Variants in CDH13 observed in about 807,000 individuals in gnomAD.
CDH13 encodes the protein cadherin 13.
In CDH13, 24 loss-of-function variants were observed where a neutral mutation model predicts 63.8. The ratio of observed to expected loss-of-function variants is 0.38; its 90% CI spans 0.27 to 0.53. CDH13 has a LOEUF of 0.53. CDH13 is among the 20% of genes least tolerant of loss of function. The pLI, the probability that CDH13 is intolerant of heterozygous loss-of-function variation, is 0.85. For missense variants in CDH13, 1,049 were observed against 903.1 expected (o/e 1.16, Z -2.07); for synonymous variants, 503 against 355.3 (o/e 1.42, Z -4.67).
intron 5 of CDH13, among the ~76,000 whole-genome samples, chr16:83,293,972 G>A (rs2151868352): frequency 6.6e-6 from 1 of 152,264 alleles, no homozygotes; most frequent in South Asian, 2.1e-4. Flanking sequence ...GCCCCTGTGA[G>A]CAGGAGGAGA....
chr16:83,178,134 A>G (rs565216607), intron 4 of CDH13, among the ~76,000 whole-genome samples: 121 of 152,236 alleles, frequency 7.9e-4, no homozygotes, highest in Non-Finnish European at 1.3e-3. Flanking sequence ...TCTCTGTTTT[A>G]TAAAGTGAAA....
At chr16:82,713,813 A>G (rs972837365) in intron 1 of CDH13, among the ~76,000 whole-genome samples, 1 of 148,912 alleles carries the variant, frequency 6.7e-6, no homozygotes, top group Non-Finnish European at 1.5e-5. Flanking sequence ...TGTGAAAAAA[A>G]AAACAAACAA....
At chr16:83,403,754 G>A (rs2092003180) in intron 6 of CDH13, among the ~76,000 whole-genome samples, 1 of 152,152 alleles carries the variant, frequency 6.6e-6, no homozygotes, top group African/African-American at 2.4e-5. Context: ...TGTTGTGATG[G>A]AGAACATCAT....
chr16:82,919,441 A>G (rs569703194), intron 2 of CDH13, among the ~76,000 whole-genome samples: 4 of 152,246 alleles, frequency 2.6e-5, no homozygotes, highest in South Asian at 2.1e-4. Flanking sequence ...GCTCCAACTT[A>G]TAAGTGAGAA....
intron 1 of CDH13, among the ~76,000 whole-genome samples, chr16:82,854,947 C>A (rs945095278): frequency 6.6e-6 from 1 of 152,106 alleles, no homozygotes; most frequent in Non-Finnish European, 1.5e-5. Flanking sequence ...CTCACTGAAT[C>A]CCAGGAGTCT....
intron 1 of CDH13, among the ~76,000 whole-genome samples, chr16:82,686,735 C>G (rs1200130219): frequency 6.6e-6 from 1 of 152,170 alleles, no homozygotes; most frequent in Non-Finnish European, 1.5e-5. Flanking sequence ...TTGCTTGATG[C>G]ACAGGGGAAA....
At chr16:83,159,645 G>A (rs887780801) in intron 4 of CDH13, among the ~76,000 whole-genome samples, 23 of 152,216 alleles carry the variant, frequency 1.5e-4, no homozygotes, top group African/African-American at 4.1e-4. Context: ...TTGGGTCACA[G>A]TGGTCACTAA....
intron 10 of CDH13, among the ~76,000 whole-genome samples, chr16:83,714,977 T>G (rs962304664): frequency 2.0e-5 from 3 of 152,120 alleles, no homozygotes; most frequent in Non-Finnish European, 4.4e-5. Context: ...ATTTGCGAGC[T>G]CAGGTACTTG....
chr16:82,964,015 C>T (rs1597310801), intron 2 of CDH13, among the ~76,000 whole-genome samples: 1 of 152,172 alleles, frequency 6.6e-6, no homozygotes, highest in African/African-American at 2.4e-5. Context: ...GGTGGAGCTG[C>T]GGGCTTTTGA....
chr16:83,644,628 G>C (rs938460236), intron 8 of CDH13, among the ~76,000 whole-genome samples: 2 of 152,106 alleles, frequency 1.3e-5, no homozygotes, highest in African/African-American at 4.8e-5. Context: ...TAGATTCCTA[G>C]CCTGCTCCAC....
intron 1 of CDH13, among the ~76,000 whole-genome samples, chr16:82,662,355 C>A (rs1912050162): frequency 6.6e-6 from 1 of 152,170 alleles, no homozygotes; most frequent in African/African-American, 2.4e-5. Flanking sequence ...TTTTTATTTT[C>A]TTCACATGTG....
At chr16:83,489,722 A>G (rs1372821456) in intron 7 of CDH13, among the ~76,000 whole-genome samples, 3 of 152,098 alleles carry the variant, frequency 2.0e-5, no homozygotes, top group Non-Finnish European at 4.4e-5. Flanking sequence ...TTTATTATTA[A>G]TATTATTTCT....
intron 1 of CDH13, among the ~76,000 whole-genome samples, chr16:82,702,471 G>A (rs1009183110): frequency 1.3e-5 from 2 of 152,124 alleles, no homozygotes; most frequent in Non-Finnish European, 2.9e-5. Context: ...TGTACACAGT[G>A]CAGGCACCAT....
At chr16:83,392,814 A>G (rs148833209) in intron 6 of CDH13, among the ~76,000 whole-genome samples, 4 of 152,298 alleles carry the variant, frequency 2.6e-5, no homozygotes, top group Admixed American at 6.5e-5. Flanking sequence ...TAGGAAATAG[A>G]AAAAGGAAAA....
chr16:83,667,541 A>G (rs1286888743), intron 8 of CDH13, among the ~76,000 whole-genome samples: 1 of 152,096 alleles, frequency 6.6e-6, no homozygotes, highest in Non-Finnish European at 1.5e-5. Flanking sequence ...CTGTTTACTA[A>G]GGATCAGGGC....
At chr16:83,509,525 A>C (rs2074505534) in intron 7 of CDH13, among the ~76,000 whole-genome samples, 1 of 152,218 alleles carries the variant, frequency 6.6e-6, no homozygotes, top group Non-Finnish European at 1.5e-5. Flanking sequence ...CTTTATTTAC[A>C]AAAGCAGATG....
At chr16:83,225,467 T>C (rs2039812406) in intron 5 of CDH13, among the ~76,000 whole-genome samples, 1 of 152,196 alleles carries the variant, frequency 6.6e-6, no homozygotes, top group South Asian at 2.1e-4. Context: ...TTTGGATGAC[T>C]GTTAAATGCC....
intron 5 of CDH13, among the ~76,000 whole-genome samples, chr16:83,222,308 G>A (rs773682744): frequency 1.3e-4 from 20 of 152,154 alleles, no homozygotes; most frequent in Non-Finnish European, 2.9e-4. Flanking sequence ...GCATTCAGAG[G>A]TATCCTTGCT....
intron 7 of CDH13, among the ~76,000 whole-genome samples, chr16:83,572,207 TGTGA>T (rs1238206684): frequency 0.01 from 1,548 of 150,426 alleles, 29 homozygotes; most frequent in African/African-American, 0.036. Flanking sequence ...TGTGTGTGTG[TGTGA>T]GTTTCACTAT....
Sources: allele counts gnomAD v4.1 joint callset (sites outside exome capture counted in the v4.1 genomes callset), GRCh38; gene constraint gnomAD v4.1.1; transcripts MANE v1.5; gene names NCBI Gene and HGNC (gene_info 2026-07-23, HGNC 2026-07-21).